The following ARHGAP15 variants were observed in gnomAD, a reference collection of about 807,000 sequenced individuals.
ARHGAP15 encodes rho GTPase-activating protein 15.
Under a neutral mutation model 63.7 loss-of-function variants are expected in ARHGAP15, and 51 were observed. The ratio of observed to expected loss-of-function variants is 0.80; its 90% CI spans 0.64 to 1.01. The LOEUF is 1.01. Ranked by LOEUF, ARHGAP15 falls within the 50% of genes least tolerant of loss-of-function variation. ARHGAP15 has a pLI of 0.00. For missense variants in ARHGAP15, 560 were observed against 564.6 expected (o/e 0.99, Z 0.08); for synonymous variants, 191 against 193.8 (o/e 0.99, Z 0.12).
At chr2:143,655,157 G>A (rs1182707535) in intron 12 of ARHGAP15, among the ~76,000 whole-genome samples, 1 of 152,144 alleles carries the variant, frequency 6.6e-6, no homozygotes, top group Non-Finnish European at 1.5e-5. Flanking sequence ...AGTTATTGGG[G>A]TACAGGTGGT....
At position 143,348,327 on chromosome 2, in the gene ARHGAP15, G is replaced by A. The variant is rs981957221; in HGVS notation, c.475-87274G>A. ...AAATTCTGACAGTCATCAAATGTGC[G>A]CTATTTCTCTGAAATAATGTTCTAC... is the stretch of plus-strand genomic sequence containing the variant. On this transcript the variant is annotated intron_variant, in intron 6 of 13. Transcript: ENST00000295095. 3.3e-5 allele frequency among the ~76,000 whole-genome samples: 5 copies of A among 151,996 alleles called. No homozygotes were observed. The South Asian group carries it at 8.3e-4, about 25-fold the overall frequency.
intron 6 of ARHGAP15, among the ~76,000 whole-genome samples, chr2:143,387,520 A>C (rs76350745): frequency 2.6e-4 from 39 of 152,294 alleles, no homozygotes; most frequent in Middle Eastern, 3.4e-3. Context: ...CTTTTCAATT[A>C]TTAGTCAACA....
intron 6 of ARHGAP15, among the ~76,000 whole-genome samples, chr2:143,326,816 G>A (rs764120382): frequency 5.3e-5 from 8 of 152,072 alleles, no homozygotes; most frequent in Non-Finnish European, 1.2e-4. Flanking sequence ...ATACTGAATG[G>A]GCAAAAGCTG....
At chr2:143,596,351 T>C (rs1697518236) in intron 11 of ARHGAP15, among the ~76,000 whole-genome samples, 1 of 152,092 alleles carries the variant, frequency 6.6e-6, no homozygotes, top group Admixed American at 6.6e-5. Flanking sequence ...GTTCAAAGAA[T>C]GCTAAAACTT....
At chr2:143,135,843 GT>G (rs372909714) in intron 1 of ARHGAP15, among the ~76,000 whole-genome samples, 24 of 152,094 alleles carry the variant, frequency 1.6e-4, no homozygotes, top group African/African-American at 5.6e-4. Flanking sequence ...ATTTCTACTT[GT>G]CTTCTAGGTT....
intron 2 of ARHGAP15, among the ~76,000 whole-genome samples, chr2:143,158,871 C>T (rs532163390): frequency 2.0e-5 from 3 of 151,920 alleles, no homozygotes; most frequent in Non-Finnish European, 4.4e-5. Context: ...TGCATTGCAG[C>T]AAATAGCTAT....
chr2:143,204,597 G>A (rs916195194), intron 3 of ARHGAP15, among the ~76,000 whole-genome samples: 1 of 152,022 alleles, frequency 6.6e-6, no homozygotes, highest in African/African-American at 2.4e-5. Context: ...GAGTTTTAAG[G>A]GGAAACAAAC....
In ARHGAP15 at chr2:143,497,444, G is replaced by T. The variant is rs560675112; in HGVS notation, c.826+9949G>T. Among the ~76,000 whole-genome samples, 287 of 152,250 alleles carry T rather than the reference G, an allele frequency of 1.9e-3. 2 individuals are homozygous for T. The highest frequency in any genetic ancestry group is 2.8e-3 in the Non-Finnish European group (193 of 68,014). On this transcript the variant is annotated intron_variant, in intron 9 of 13. Transcript: ENST00000295095. Reference sequence around the variant, plus strand: ...GCAGGGCCCTTGTCAGTGTTCAAAAGAATCCCCTTTTTAAAGGTTAGCATT... The same window carrying T: ...GCAGGGCCCTTGTCAGTGTTCAAAATAATCCCCTTTTTAAAGGTTAGCATT...
intron 5 of ARHGAP15, 46 bp downstream of exon 5, chr2:143,228,714 T>C (rs1436177047): frequency 7.2e-7 from 1 of 1,390,800 alleles, no homozygotes; most frequent in African/African-American, 1.5e-5. Context: ...TTCAGAAATA[T>C]TGTAGAATTA....
intron 10 of ARHGAP15, among the ~76,000 whole-genome samples, chr2:143,550,753 C>T (rs1268007046): frequency 6.6e-6 from 1 of 152,134 alleles, no homozygotes; most frequent in East Asian, 1.9e-4. Context: ...CTTTGTGAAA[C>T]TAAATTTTAA....
chr2:143,391,383 A>C (rs1055398312), intron 6 of ARHGAP15, among the ~76,000 whole-genome samples: 1 of 152,184 alleles, frequency 6.6e-6, no homozygotes, highest in Non-Finnish European at 1.5e-5. Flanking sequence ...ATTCATGTCC[A>C]TGTGATACCT....
chr2:143,139,165 G>A (rs1447474215), intron 1 of ARHGAP15, among the ~76,000 whole-genome samples: 2 of 152,034 alleles, frequency 1.3e-5, no homozygotes, highest in African/African-American at 2.4e-5. Context: ...CCCATCAGCA[G>A]GTTAAACTGA....
intron 10 of ARHGAP15, among the ~76,000 whole-genome samples, chr2:143,520,444 G>A (rs1178674963): frequency 1.3e-5 from 2 of 152,108 alleles, no homozygotes; most frequent in Admixed American, 6.6e-5. Context: ...AACAAGAAGG[G>A]GAAGAGTGGG....
intron 6 of ARHGAP15, among the ~76,000 whole-genome samples, chr2:143,410,682 T>C (rs1247891820): frequency 6.6e-6 from 1 of 151,936 alleles, no homozygotes; most frequent in Non-Finnish European, 1.5e-5. Context: ...AAAAATAAAA[T>C]ATGTAGTGTA....
At chr2:143,709,820 A>T (rs1228541590) in intron 13 of ARHGAP15, among the ~76,000 whole-genome samples, 3 of 152,224 alleles carry the variant, frequency 2.0e-5, no homozygotes, top group Non-Finnish European at 4.4e-5. Context: ...CTGTCTTTAA[A>T]ATGACACTGT....
chr2:143,158,329 A>G (rs539550653), intron 2 of ARHGAP15, among the ~76,000 whole-genome samples: 3 of 151,900 alleles, frequency 2.0e-5, no homozygotes, highest in South Asian at 2.1e-4. Flanking sequence ...GTTATCTTAA[A>G]TGAGGAATGC....
chr2:143,272,736 C>G (rs1681351959), intron 6 of ARHGAP15, among the ~76,000 whole-genome samples: 2 of 152,318 alleles, frequency 1.3e-5, no homozygotes, highest in Admixed American at 1.3e-4. Flanking sequence ...ATTATGTTCT[C>G]TCTCTTTGAG....
chr2:143,705,503 C>T (rs867718204), intron 13 of ARHGAP15, among the ~76,000 whole-genome samples: 22 of 152,168 alleles, frequency 1.4e-4, no homozygotes, highest in African/African-American at 4.1e-4. Context: ...GCATATAAAA[C>T]GCCTGGCACA....
chr2:143,414,011 G>C (rs1688576222), intron 6 of ARHGAP15, among the ~76,000 whole-genome samples: 1 of 148,060 alleles, frequency 6.8e-6, no homozygotes, highest in Non-Finnish European at 1.5e-5. Flanking sequence ...GTCAGCCATT[G>C]CCTGAAACGT....
Sources: gnomAD v4.1 joint callset for allele counts (sites outside exome capture counted in the v4.1 genomes callset) on GRCh38, gnomAD v4.1.1 for gene constraint, MANE v1.5 for transcripts, NCBI Gene and HGNC (gene_info 2026-07-23, HGNC 2026-07-21) for gene names.